The following RCL1 variants were observed in gnomAD, a reference collection of about 807,000 sequenced individuals.
RCL1 encodes the protein RNA 3'-terminal phosphate cyclase-like protein.
Under a neutral mutation model 42.4 loss-of-function variants are expected in RCL1, and 24 were observed. The ratio of observed to expected loss-of-function variants is 0.57; its 90% CI spans 0.41 to 0.80. RCL1 has a LOEUF of 0.80. RCL1 is among the 30% of genes least tolerant of loss of function. RCL1 has a pLI of 0.00. For missense variants in RCL1, 578 were observed against 467.9 expected (o/e 1.24, Z -2.17); for synonymous variants, 228 against 177.3 (o/e 1.29, Z -2.27).
At chr9:4,855,095 T>C (rs778903915) in intron 8 of RCL1, among the ~76,000 whole-genome samples, 1 of 151,364 alleles carries the variant, frequency 6.6e-6, no homozygotes, top group African/African-American at 2.4e-5. Flanking sequence ...ATCTCTGTGC[T>C]CCAGAATTCT....
chr9:4,813,340 GA>G (rs1174255738), intron 1 of RCL1, among the ~76,000 whole-genome samples: 2 of 151,976 alleles, frequency 1.3e-5, no homozygotes, highest in Non-Finnish European at 2.9e-5. Flanking sequence ...AAATTTACAA[GA>G]AAAAAATCAA....
chr9:4,802,583 T>G (rs1221716919), intron 1 of RCL1, among the ~76,000 whole-genome samples: 1 of 152,240 alleles, frequency 6.6e-6, no homozygotes, highest in African/African-American at 2.4e-5. Context: ...GAAATGTTCA[T>G]TTGTTCACAA....
intron 2 of RCL1, among the ~76,000 whole-genome samples, chr9:4,824,935 G>A (rs761905772): frequency 9.2e-5 from 14 of 152,234 alleles, no homozygotes; most frequent in Non-Finnish European, 1.8e-4. Flanking sequence ...TGTGTGAGAC[G>A]GAGTCTTGTT....
intron 8 of RCL1, chr9:4,850,308 T>A (rs374692878): frequency 3.7e-6 from 2 of 534,328 alleles, no homozygotes; most frequent in Non-Finnish European, 7.7e-6. Context: ...CTGTCCTTTT[T>A]CGGTTATCAT....
chr9:4,812,274 G>A (rs963449494), intron 1 of RCL1, among the ~76,000 whole-genome samples: 4 of 151,996 alleles, frequency 2.6e-5, no homozygotes, highest in Admixed American at 6.6e-5. Context: ...TAAACGTCCT[G>A]TAATGCTTCC....
At chr9:4,838,881 A>G (rs754706959) in intron 5 of RCL1, among the ~76,000 whole-genome samples, 12 of 152,240 alleles carry the variant, frequency 7.9e-5, no homozygotes, top group Admixed American at 2.6e-4. Context: ...AGTAATAAAG[A>G]AAAGCAATAG....
At chr9:4,806,302 T>G (rs1815958854) in intron 1 of RCL1, among the ~76,000 whole-genome samples, 1 of 152,156 alleles carries the variant, frequency 6.6e-6, no homozygotes, top group Admixed American at 6.5e-5. Context: ...GGAACATCCT[T>G]GCCTTGTTCC....
At chr9:4,833,731 A>G (rs900287199) in intron 4 of RCL1, among the ~76,000 whole-genome samples, 2 of 152,192 alleles carry the variant, frequency 1.3e-5, no homozygotes, top group African/African-American at 4.8e-5. Context: ...TGCCTTTTAC[A>G]TTCATGTTTT....
At position 4,849,505 on chromosome 9, in the gene RCL1, A is replaced by T. The variant is rs751592605; in HGVS notation, c.926A>T (p.Gln309Leu). Residue 309 changes from glutamine (Q) to leucine (L), a missense_variant, in exon 8 of 9, where the codon CAG (glutamine) becomes CTG (leucine). Physicochemically the swap from Gln to Leu is moderately radical, Grantham distance 113 (BLOSUM62 -2). Transcript: ENST00000381750. ...GCGCTACTACTCATGACCCTTGGAC[A>T]GCAGGATGTTTCCAAAGTCCTGCTA... ...SLALLLMTLG[Q>L]QDVSKVLLGP... is the part of the protein sequence containing the mutation. 6.2e-7 allele frequency: 1 copy of T among 1,613,968 alleles called. No homozygotes were observed. Among genetic ancestry groups the T allele is most frequent in the Non-Finnish European group, 8.5e-7 (1 of 1,179,970 alleles).
At chr9:4,805,706 C>T (rs1041437633) in intron 1 of RCL1, among the ~76,000 whole-genome samples, 1 of 151,972 alleles carries the variant, frequency 6.6e-6, no homozygotes. Context: ...GCGGGTGGTG[C>T]AGTGCATGCT....
chr9:4,810,117 C>T (rs111679005), intron 1 of RCL1, among the ~76,000 whole-genome samples: 7,127 of 152,220 alleles, frequency 0.047, 548 homozygotes, highest in African/African-American at 0.16. Flanking sequence ...CCTGAGCCAC[C>T]GCATCCTGCC....
chr9:4,830,155 G>A (rs1215687150), intron 3 of RCL1, among the ~76,000 whole-genome samples: 2 of 152,208 alleles, frequency 1.3e-5, no homozygotes, highest in Admixed American at 1.3e-4. Flanking sequence ...GTCAGACTGA[G>A]CAGTGAGACA....
chr9:4,803,218 T>C (rs1298592367), intron 1 of RCL1, among the ~76,000 whole-genome samples: 3 of 152,142 alleles, frequency 2.0e-5, no homozygotes, highest in Non-Finnish European at 2.9e-5. Flanking sequence ...AAGACAAAAG[T>C]AGATTTTCCT....
chr9:4,792,970 T>A lies in RCL1; in HGVS notation c.-122T>A. ...AACCACGTGGACGCGTCTGGGCTGC[T>A]GGAGGCAGCCCGAGCCGCCGCCGTC... is the stretch of plus-strand genomic sequence containing the variant. On this transcript the variant is annotated 5_prime_UTR_variant, in exon 1 of 9. Transcript: ENST00000381750. 1.8e-6 allele frequency: 2 copies of A among 1,107,844 alleles called. No homozygotes were observed. Among genetic ancestry groups the A allele is most frequent in the South Asian group, 1.6e-5 (1 of 63,064 alleles). 68.6% of individuals were successfully genotyped at this position (1,107,844 alleles called of 1,614,324 possible). A position where few individuals can be genotyped will look rare whatever the true frequency, so the allele number is the denominator to read the frequency against.
chr9:4,813,950 A>T (rs1466014659), intron 1 of RCL1, among the ~76,000 whole-genome samples: 1 of 152,138 alleles, frequency 6.6e-6, no homozygotes, highest in African/African-American at 2.4e-5. Context: ...AGAAAACCAA[A>T]CACTGCATGT....
chr9:4,827,445 T>A, intron 3 of RCL1: 1 of 405,178 alleles, frequency 2.5e-6, no homozygotes, highest in Non-Finnish European at 4.4e-6. Context: ...CAGCGTAATC[T>A]TGACTTACCC....
At chr9:4,813,786 C>T (rs1013824513) in intron 1 of RCL1, among the ~76,000 whole-genome samples, 1 of 152,178 alleles carries the variant, frequency 6.6e-6, no homozygotes, top group Non-Finnish European at 1.5e-5. Context: ...TTGGAACCAA[C>T]CCAAATGTCC....
chr9:4,854,595 C>A (rs1817869409), intron 8 of RCL1, among the ~76,000 whole-genome samples: 2 of 152,136 alleles, frequency 1.3e-5, no homozygotes, highest in Non-Finnish European at 2.9e-5. Context: ...TCACCCCAAT[C>A]TCTCACATGC....
At chr9:4,826,209 G>T (rs1049102094) in intron 2 of RCL1, among the ~76,000 whole-genome samples, 1 of 152,130 alleles carries the variant, frequency 6.6e-6, no homozygotes, top group East Asian at 1.9e-4. Context: ...TCATGCCGCT[G>T]TACTCCAGCT....
Sources: gnomAD v4.1 joint callset for allele counts (sites outside exome capture counted in the v4.1 genomes callset) on GRCh38, gnomAD v4.1.1 for gene constraint, MANE v1.5 for transcripts, NCBI Gene and HGNC (gene_info 2026-07-23, HGNC 2026-07-21) for gene names.